The following SCAMP1 variants were observed in gnomAD, a reference collection of about 807,000 sequenced individuals.
The protein encoded by SCAMP1 is secretory carrier membrane protein 1, also known as secretory carrier-associated membrane protein 1.
SCAMP1 carries 15 observed loss-of-function variants against 41.8 expected under a neutral mutation model. That is an observed-to-expected ratio of 0.36 (90% CI 0.24 to 0.55). The LOEUF is 0.55. Among genes scored for constraint, SCAMP1 ranks in the 20% least tolerant of loss-of-function variants. SCAMP1 has a pLI of 0.86. For missense variants in SCAMP1, 341 were observed against 412.6 expected (o/e 0.83, Z 1.50); for synonymous variants, 135 against 136.8 (o/e 0.99, Z 0.09).
intron 2 of SCAMP1, among the ~76,000 whole-genome samples, chr5:78,408,983 G>A (rs959436261): frequency 3.3e-5 from 5 of 152,130 alleles, no homozygotes; most frequent in Non-Finnish European, 7.4e-5. Context: ...GACAAGACAT[G>A]GAGGTATTCC....
intron 4 of SCAMP1, among the ~76,000 whole-genome samples, chr5:78,418,533 TATG>T (rs1752262711): frequency 6.6e-6 from 1 of 152,194 alleles, no homozygotes; most frequent in Non-Finnish European, 1.5e-5. Flanking sequence ...CTAAACATGG[TATG>T]ATATGACACT....
At chr5:78,447,813 C>T (rs1753089064) in intron 6 of SCAMP1, among the ~76,000 whole-genome samples, 1 of 139,182 alleles carries the variant, frequency 7.2e-6, no homozygotes, top group Admixed American at 7.1e-5. Flanking sequence ...TTCCTCCTCC[C>T]TCCTCCCCCT....
chr5:78,471,763 C>T (rs1753888610), intron 8 of SCAMP1, among the ~76,000 whole-genome samples: 1 of 152,114 alleles, frequency 6.6e-6, no homozygotes, highest in African/African-American at 2.4e-5. Flanking sequence ...TCGGCAGATA[C>T]TTAAAAATTA....
intron 2 of SCAMP1, among the ~76,000 whole-genome samples, chr5:78,392,030 AGAGGGAGACCGTGGAAAGAGAGG>A (rs1751527172): frequency 7.4e-4 from 1 of 1,346 alleles, no homozygotes; most frequent in Non-Finnish European, 2.9e-3. Context: ...AGAGAGAGGG[AGAGGGAGACCGTGGAAAGAGAGG>A]GAGAGGGAGA....
At chr5:78,430,141 A>T (rs201851896) in intron 6 of SCAMP1, among the ~76,000 whole-genome samples, 844 of 7,980 alleles carry the variant, frequency 0.11, 51 homozygotes, top group African/African-American at 0.28. Flanking sequence ...TTATAAATAC[A>T]GTATTTATTT....
At position 78,421,931 on chromosome 5, in the gene SCAMP1, T is replaced by C; in HGVS notation, c.603T>C (p.Cys201=). Residue 201 remains cysteine, a synonymous_variant, in exon 6 of 9, where the codon TGT becomes TGC. Coordinates refer to ENST00000621999, the MANE Select transcript of SCAMP1 (RefSeq NM_004866.6). ...TTTTTACTCCTTGTTCATTTGTCTG[T>C]TGGTACAGACCACTTTATGGAGCTT... The part of the protein sequence containing the change: ...FLLFTPCSFV[C]WYRPLYGAFR... 1 of 1,613,678 alleles carries C rather than the reference T, an allele frequency of 6.2e-7. No homozygotes were observed. The highest frequency in any genetic ancestry group is 8.5e-7 in the Non-Finnish European group (1 of 1,179,772).
rs190756164 is a variant in SCAMP1 at position 78,400,529 on chromosome 5, C to A, written c.135+11615C>A. On this transcript the variant is annotated intron_variant, in intron 2 of 8. Coordinates refer to ENST00000621999, the MANE Select transcript of SCAMP1 (RefSeq NM_004866.6). ...AATATCTTTTATTCTTCTTTGATTT[C>A]TTTCATCAGTTTTGTAGTTTTTCAC... 2.0e-5 allele frequency among the ~76,000 whole-genome samples: 3 copies of A among 152,188 alleles called. No individual in the cohort carries two copies. In the East Asian group the frequency reaches 5.8e-4, roughly 29 times the overall value.
chr5:78,402,865 T>C (rs1751832731), intron 2 of SCAMP1, among the ~76,000 whole-genome samples: 1 of 152,096 alleles, frequency 6.6e-6, no homozygotes, highest in African/African-American at 2.4e-5. Context: ...TGTCTTCTAC[T>C]CTTGGTGGTT....
chr5:78,475,355 G>A, intron 8 of SCAMP1, 149 bp from the exon 9 acceptor site: 1 of 466,190 alleles, frequency 2.1e-6, no homozygotes, highest in Non-Finnish European at 3.7e-6. Context: ...CAATTATTGT[G>A]TGTCAGTTTG....
At chr5:78,466,119 T>C (rs767862456) in intron 8 of SCAMP1, among the ~76,000 whole-genome samples, 4 of 152,258 alleles carry the variant, frequency 2.6e-5, no homozygotes, top group Non-Finnish European at 1.5e-5. Flanking sequence ...GGGTGTTTTA[T>C]AGAAGTAGAA....
intron 6 of SCAMP1, among the ~76,000 whole-genome samples, chr5:78,439,228 T>C (rs1023028976): frequency 1.3e-5 from 2 of 151,920 alleles, no homozygotes; most frequent in African/African-American, 4.9e-5. Flanking sequence ...AGGGTTAATA[T>C]TGTTATGTGT....
intron 6 of SCAMP1, among the ~76,000 whole-genome samples, chr5:78,442,366 G>A (rs1442939993): frequency 6.6e-6 from 1 of 152,156 alleles, no homozygotes; most frequent in Non-Finnish European, 1.5e-5. Context: ...AGCCTCCTGG[G>A]TTCAAGCAGT....
intron 7 of SCAMP1, among the ~76,000 whole-genome samples, chr5:78,453,129 G>A (rs1753285423): frequency 6.6e-6 from 1 of 151,024 alleles, no homozygotes; most frequent in Middle Eastern, 3.4e-3. Flanking sequence ...CTCCCATTTT[G>A]TAGGTTGCCT....
intron 6 of SCAMP1, among the ~76,000 whole-genome samples, chr5:78,441,422 T>G (rs1752921432): frequency 6.6e-6 from 1 of 152,192 alleles, no homozygotes; most frequent in South Asian, 2.1e-4. Context: ...AAAATGATGT[T>G]TCAAAGTATA....
intron 1 of SCAMP1, among the ~76,000 whole-genome samples, chr5:78,365,622 A>T (rs928459019): frequency 3.3e-5 from 5 of 152,182 alleles, no homozygotes; most frequent in Non-Finnish European, 7.3e-5. Context: ...AAAGCTAAAA[A>T]TAATTAAGTG....
chr5:78,361,282 A>T, intron 1 of SCAMP1, among the ~76,000 whole-genome samples: 1 of 152,182 alleles, frequency 6.6e-6, no homozygotes, highest in South Asian at 2.1e-4. Flanking sequence ...GTTGCACCCA[A>T]ATACCACCAG....
chr5:78,405,846 TACAC>T (rs1172318563), intron 2 of SCAMP1, among the ~76,000 whole-genome samples: 1 of 152,216 alleles, frequency 6.6e-6, no homozygotes, highest in African/African-American at 2.4e-5. Flanking sequence ...TCTTTCCTAT[TACAC>T]ACGTCCTTCC....
At chr5:78,368,580 A>G (rs79425488) in intron 1 of SCAMP1, among the ~76,000 whole-genome samples, 3,032 of 152,290 alleles carry the variant, frequency 0.02, 114 homozygotes, top group African/African-American at 0.068. Context: ...TAATAATCCT[A>G]TAGTATTCTG....
chr5:78,457,433 A>G (rs959837345), intron 7 of SCAMP1, among the ~76,000 whole-genome samples: 3 of 151,898 alleles, frequency 2.0e-5, no homozygotes, highest in Non-Finnish European at 4.4e-5. Flanking sequence ...GGTCTGTTGG[A>G]ATACCCTGTC....
Sources: gnomAD v4.1 joint callset for allele counts (sites outside exome capture counted in the v4.1 genomes callset) on GRCh38, gnomAD v4.1.1 for gene constraint, MANE v1.5 for transcripts, NCBI Gene and HGNC (gene_info 2026-07-23, HGNC 2026-07-21) for gene names.